Variants in PDK1 observed in about 807,000 individuals in gnomAD.
The protein encoded by PDK1 is pyruvate dehydrogenase kinase 1, also known as [Pyruvate dehydrogenase (acetyl-transferring)] kinase isozyme 1, mitochondrial.
A neutral mutation model predicts 54.2 loss-of-function variants in PDK1; 39 were observed. The ratio of observed to expected loss-of-function variants is 0.72; its 90% confidence interval spans 0.56 to 0.94. PDK1 has a LOEUF of 0.94. PDK1 is among the 40% of genes least tolerant of loss of function. The probability of loss-of-function intolerance (pLI) is 0.00; values close to 1 mark genes in which losing one functional copy is unlikely to be tolerated. For missense variants in PDK1, 552 were observed against 566.0 expected (o/e 0.98, Z 0.25); for synonymous variants, 221 against 207.1 (o/e 1.07, Z -0.58).
At chr2:172,572,076 T>A (rs1689302798) in intron 8 of PDK1, among the ~76,000 whole-genome samples, 1 of 152,116 alleles carries the variant, frequency 6.6e-6, no homozygotes, top group Admixed American at 6.5e-5. Context: ...GTTATCCGCC[T>A]GCCTCGGCCT....
the PDK1 span, among the ~76,000 whole-genome samples, chr2:172,617,038 C>G: frequency 6.6e-6 from 1 of 152,150 alleles, no homozygotes; most frequent in Non-Finnish European, 1.5e-5. Context: ...CAACCTCCAC[C>G]TCCTGGGTTC....
chr2:172,663,848 G>A, the PDK1 span, among the ~76,000 whole-genome samples: 4 of 151,880 alleles, frequency 2.6e-5, no homozygotes, highest in East Asian at 1.9e-4. Flanking sequence ...CTAAATCTTC[G>A]TGGCCATAGG....
chr2:172,629,151 A>G, the PDK1 span, among the ~76,000 whole-genome samples: 44,093 of 151,882 alleles, frequency 0.29, 6,884 homozygotes, highest in African/African-American at 0.41. Context: ...TGTGATGGGC[A>G]CCTTTCATCT....
At chr2:172,713,899 G>A in the PDK1 span, among the ~76,000 whole-genome samples, 16 of 152,224 alleles carry the variant, frequency 1.1e-4, no homozygotes, top group Non-Finnish European at 2.2e-4. Context: ...TTCCAGATAG[G>A]CCACTGCTGC....
At chr2:172,609,946 C>T (rs1031214925), downstream of PDK1, among the ~76,000 whole-genome samples, 2 of 152,008 alleles carry the variant, frequency 1.3e-5, no homozygotes, top group Admixed American at 6.6e-5. Flanking sequence ...CTCAGCCTCC[C>T]GAGTAGCTGG....
At chr2:172,591,580 G>A (rs1036651372) in intron 9 of PDK1, among the ~76,000 whole-genome samples, 16 of 152,180 alleles carry the variant, frequency 1.1e-4, no homozygotes, top group Non-Finnish European at 2.4e-4. Flanking sequence ...TAAACTGGCT[G>A]TTCCGGTTCC....
the PDK1 span, among the ~76,000 whole-genome samples, chr2:172,641,605 C>T: frequency 6.6e-6 from 1 of 152,030 alleles, no homozygotes; most frequent in Non-Finnish European, 1.5e-5. Context: ...CCACGCCCGG[C>T]TAATTTTTTT....
At chr2:172,573,006 CATTTG>C (rs1446217468) in intron 8 of PDK1, among the ~76,000 whole-genome samples, 1 of 152,136 alleles carries the variant, frequency 6.6e-6, no homozygotes, top group Non-Finnish European at 1.5e-5. Flanking sequence ...AGTTGATAGA[CATTTG>C]GTTTGTTTCT....
chr2:172,565,565 A>G (rs1688892744), intron 5 of PDK1, among the ~76,000 whole-genome samples: 1 of 149,904 alleles, frequency 6.7e-6, no homozygotes, highest in East Asian at 1.9e-4. Context: ...CCTCCCAAAG[A>G]GCTGGGATTA....
At chr2:172,670,677 A>G in the PDK1 span, among the ~76,000 whole-genome samples, 48 of 152,238 alleles carry the variant, frequency 3.2e-4, no homozygotes, top group African/African-American at 9.9e-4. Flanking sequence ...ACACTAAAAA[A>G]TAAATGAAAT....
chr2:172,578,618 T>C (rs1297500583), intron 8 of PDK1, among the ~76,000 whole-genome samples: 1 of 152,224 alleles, frequency 6.6e-6, no homozygotes, highest in Non-Finnish European at 1.5e-5. Context: ...AATACTTTTT[T>C]GTTTTTTTCA....
intron 9 of PDK1, among the ~76,000 whole-genome samples, chr2:172,588,539 A>T (rs1299733634): frequency 6.6e-6 from 1 of 152,218 alleles, no homozygotes; most frequent in Non-Finnish European, 1.5e-5. Context: ...TGTAAAATGT[A>T]TGTGAATTTT....
chr2:172,699,910 C>T, the PDK1 span, among the ~76,000 whole-genome samples: 8,117 of 152,086 alleles, frequency 0.053, 414 homozygotes, highest in East Asian at 0.22. Flanking sequence ...TGCCGCCTTC[C>T]GAACTGTTTG....
chr2:172,616,853 C>T, the PDK1 span, among the ~76,000 whole-genome samples: 1 of 152,124 alleles, frequency 6.6e-6, no homozygotes, highest in African/African-American at 2.4e-5. Flanking sequence ...CTTGGAAAGT[C>T]AACTTGAAAA....
downstream of PDK1, among the ~76,000 whole-genome samples, chr2:172,612,728 C>T (rs748284304): frequency 9.2e-5 from 14 of 152,016 alleles, no homozygotes; most frequent in Non-Finnish European, 2.1e-4. Context: ...AGTGCAATGG[C>T]GTGATCTCAG....
the PDK1 span, among the ~76,000 whole-genome samples, chr2:172,639,662 CA>C: frequency 6.6e-6 from 1 of 152,092 alleles, no homozygotes; most frequent in African/African-American, 2.4e-5. Flanking sequence ...TTGCCCCCAC[CA>C]AAACTCATTT....
intron 4 of PDK1, 36 bp downstream of exon 4, chr2:172,564,723 A>G (rs759013074): frequency 2.0e-6 from 3 of 1,526,508 alleles, no homozygotes; most frequent in South Asian, 2.3e-5. Flanking sequence ...AAGAAGCTAA[A>G]TGAGATGTGT....
intron 2 of PDK1, among the ~76,000 whole-genome samples, chr2:172,560,062 C>T (rs1378044985): frequency 1.3e-5 from 2 of 152,226 alleles, no homozygotes; most frequent in East Asian, 1.9e-4. Flanking sequence ...CTACGCTGGC[C>T]TCAAACTCCG....
chr2:172,573,221 G>A (rs1689378152), intron 8 of PDK1, among the ~76,000 whole-genome samples: 1 of 152,120 alleles, frequency 6.6e-6, no homozygotes, highest in African/African-American at 2.4e-5. Context: ...ATGTGTGAAG[G>A]TTCCTGTTTT....
Sources: allele counts gnomAD v4.1 joint callset (sites outside exome capture counted in the v4.1 genomes callset), GRCh38; gene constraint gnomAD v4.1.1; transcripts MANE v1.5; gene names NCBI Gene and HGNC (gene_info 2026-07-23, HGNC 2026-07-21).